The following STPG2 variants were observed in gnomAD, a reference collection of about 807,000 sequenced individuals.
STPG2 encodes sperm-tail PG-rich repeat-containing protein 2.
Under a neutral mutation model 54.2 loss-of-function variants are expected in STPG2, and 56 were observed. The observed-to-expected ratio is 1.03, with a 90% CI of 0.83 to 1.29. The LOEUF is 1.29. STPG2 is among the 50% of genes most tolerant of loss of function. The pLI is 0.00. For missense variants in STPG2, 596 were observed against 544.9 expected (o/e 1.09, Z -0.93); for synonymous variants, 200 against 181.8 (o/e 1.10, Z -0.81).
intron 9 of STPG2, among the ~76,000 whole-genome samples, chr4:97,811,256 T>C (rs1727731753): frequency 1.3e-5 from 2 of 152,140 alleles, no homozygotes; most frequent in South Asian, 4.2e-4. Context: ...TTCTAAATTA[T>C]CAGTTCCCTA....
chr4:97,909,535 C>T (rs777187851), intron 8 of STPG2, among the ~76,000 whole-genome samples: 1 of 151,942 alleles, frequency 6.6e-6, no homozygotes, highest in Non-Finnish European at 1.5e-5. Flanking sequence ...ATGCATCCCA[C>T]AAAAATAGAA....
At chr4:97,876,919 T>A (rs1271994753) in intron 8 of STPG2, among the ~76,000 whole-genome samples, 1 of 152,104 alleles carries the variant, frequency 6.6e-6, no homozygotes, top group Non-Finnish European at 1.5e-5. Context: ...AGGTAAGATC[T>A]TCCATAAAAG....
At chr4:97,696,609 C>A (rs1723582641) in intron 10 of STPG2, among the ~76,000 whole-genome samples, 1 of 152,164 alleles carries the variant, frequency 6.6e-6, no homozygotes, top group African/African-American at 2.4e-5. Context: ...GGGAGAAAAT[C>A]TTCCCAATCT....
intron 9 of STPG2, among the ~76,000 whole-genome samples, chr4:97,728,499 AGTT>A (rs949288601): frequency 3.3e-5 from 5 of 152,042 alleles, no homozygotes; most frequent in African/African-American, 1.2e-4. Context: ...ATTATTTTCA[AGTT>A]GTTGTTTTCT....
chr4:97,863,562 AAT>A (rs1295756970), intron 8 of STPG2, among the ~76,000 whole-genome samples: 2 of 152,218 alleles, frequency 1.3e-5, no homozygotes, highest in African/African-American at 4.8e-5. Context: ...TATTCCAGTC[AAT>A]AGAATAAGAG....
intron 10 of STPG2, among the ~76,000 whole-genome samples, chr4:97,670,854 G>A (rs1029053495): frequency 6.6e-6 from 1 of 152,138 alleles, no homozygotes; most frequent in African/African-American, 2.4e-5. Context: ...CTTCACAACA[G>A]GTCCCATGTC....
rs184314785 is a variant in STPG2 at position 97,995,319 on chromosome 4, C to T, written c.613-14001G>A. On this transcript the variant is annotated intron_variant, in intron 5 of 10. Transcript: ENST00000295268. ...GTCCCACAAAGCCTGCAGTGGCAAT[C>T]ACCTCCTTCAATGTGTCTGTGAATT... Among the ~76,000 whole-genome samples the T allele has an allele frequency of 4.2e-3, 642 of 152,246 alleles. 3 individuals carry two copies. The highest frequency in any genetic ancestry group is 0.024 in the South Asian group (117 of 4,824).
chr4:97,616,589 T>C (rs1217406744), intron 10 of STPG2, among the ~76,000 whole-genome samples: 2 of 152,116 alleles, frequency 1.3e-5, no homozygotes, highest in Non-Finnish European at 2.9e-5. Context: ...TTTGGCATTA[T>C]TGGTTTGTTT....
At chr4:97,618,853 G>A (rs1733935970) in intron 10 of STPG2, among the ~76,000 whole-genome samples, 1 of 152,146 alleles carries the variant, frequency 6.6e-6, no homozygotes, top group African/African-American at 2.4e-5. Context: ...TTATTGTTAT[G>A]AGTTGTTACT....
intron 8 of STPG2, among the ~76,000 whole-genome samples, chr4:97,866,040 T>G (rs1463706540): frequency 6.6e-6 from 1 of 151,756 alleles, no homozygotes; most frequent in Non-Finnish European, 1.5e-5. Context: ...AGCTAAAAAT[T>G]AAAACAGTTG....
chr4:97,911,246 CA>C (rs34533567), intron 8 of STPG2, among the ~76,000 whole-genome samples: 2,264 of 152,346 alleles, frequency 0.015, 50 homozygotes, highest in African/African-American at 0.05. Context: ...CACAGAAACA[CA>C]GGAGTTTTTG....
intron 7 of STPG2, among the ~76,000 whole-genome samples, chr4:97,959,714 A>T (rs929836678): frequency 6.6e-6 from 1 of 151,996 alleles, no homozygotes; most frequent in Non-Finnish European, 1.5e-5. Flanking sequence ...AAACTTACCA[A>T]GAAAAAAAAA....
intron 7 of STPG2, among the ~76,000 whole-genome samples, chr4:97,956,380 A>G (rs938433988): frequency 6.6e-6 from 1 of 152,132 alleles, no homozygotes; most frequent in African/African-American, 2.4e-5. Context: ...ACACAGAAAG[A>G]GATAAGAAAA....
intron 5 of STPG2, among the ~76,000 whole-genome samples, chr4:98,070,841 A>G (rs1208995473): frequency 6.6e-6 from 1 of 152,098 alleles, no homozygotes; most frequent in African/African-American, 2.4e-5. Context: ...ACTACAAACC[A>G]CTGCTTAAGG....
chr4:97,738,550 G>A (rs1042657974), intron 9 of STPG2, among the ~76,000 whole-genome samples: 1 of 152,054 alleles, frequency 6.6e-6, no homozygotes, highest in African/African-American at 2.4e-5. Context: ...AAAAAAGGCA[G>A]GGGTTCCAAT....
intron 10 of STPG2, among the ~76,000 whole-genome samples, chr4:97,575,283 C>T (rs1041468249): frequency 2.0e-5 from 3 of 152,046 alleles, no homozygotes; most frequent in African/African-American, 7.2e-5. Flanking sequence ...CTCCCCAACT[C>T]ATTCTACAAA....
intron 5 of STPG2, among the ~76,000 whole-genome samples, chr4:98,065,543 G>A (rs1387707635): frequency 1.3e-5 from 2 of 152,154 alleles, no homozygotes; most frequent in Non-Finnish European, 2.9e-5. Context: ...TTTAATACAT[G>A]TGAATGAACA....
At chr4:97,938,401 T>C (rs1732837748) in intron 8 of STPG2, among the ~76,000 whole-genome samples, 3 of 151,048 alleles carry the variant, frequency 2.0e-5, no homozygotes, top group Admixed American at 1.3e-4. Context: ...TGATAATGGC[T>C]ATCCCTCCCT....
At chr4:97,560,964 C>A (rs111816751) in intron 10 of STPG2, among the ~76,000 whole-genome samples, 1 of 152,066 alleles carries the variant, frequency 6.6e-6, no homozygotes, top group East Asian at 1.9e-4. Flanking sequence ...GGGTATATAC[C>A]CAGTAATGGG....
Sources: gnomAD v4.1 joint callset for allele counts (sites outside exome capture counted in the v4.1 genomes callset) on GRCh38, gnomAD v4.1.1 for gene constraint, MANE v1.5 for transcripts, NCBI Gene and HGNC (gene_info 2026-07-23, HGNC 2026-07-21) for gene names.